SHTN1: variants seen among roughly 807,000 people sequenced by gnomAD.
The protein encoded by SHTN1 is shootin 1.
A neutral mutation model predicts 83.1 loss-of-function variants in SHTN1; 42 were observed. That is an observed-to-expected ratio of 0.51 (90% CI 0.39 to 0.65). SHTN1 has a LOEUF of 0.65. Ranked by LOEUF, SHTN1 falls within the 30% of genes least tolerant of loss-of-function variation. SHTN1 has a pLI of 0.00. For synonymous variants in SHTN1, 224 were observed against 247.7 expected (o/e 0.90, Z 0.90); for missense variants, 622 against 737.8 (o/e 0.84, Z 1.82).
intron 1 of SHTN1, among the ~76,000 whole-genome samples, chr10:117,077,464 T>A (rs1180324645): frequency 1.3e-5 from 2 of 152,046 alleles, no homozygotes; most frequent in East Asian, 3.9e-4. Flanking sequence ...CTTTTTTTTT[T>A]ATTAGGAGGG....
At chr10:116,939,527 C>T (rs1354473583) in intron 9 of SHTN1, among the ~76,000 whole-genome samples, 5 of 152,188 alleles carry the variant, frequency 3.3e-5, no homozygotes, top group African/African-American at 4.8e-5. Flanking sequence ...TGAGATGAGC[C>T]GGGTACCCAA....
intron 1 of SHTN1, among the ~76,000 whole-genome samples, chr10:117,074,512 A>G (rs1853126494): frequency 6.6e-6 from 1 of 152,200 alleles, no homozygotes; most frequent in African/African-American, 2.4e-5. Flanking sequence ...CTTTCATCAG[A>G]TTCTCAAGTA....
chr10:116,932,320 G>A (rs535729677), intron 9 of SHTN1, among the ~76,000 whole-genome samples: 56 of 152,256 alleles, frequency 3.7e-4, no homozygotes, highest in South Asian at 1.7e-3. Context: ...GCTCCACCTC[G>A]TCAGATCAGC....
At chr10:117,113,401 A>G (rs1477852205) in intron 1 of SHTN1, among the ~76,000 whole-genome samples, 2 of 152,208 alleles carry the variant, frequency 1.3e-5, no homozygotes, top group East Asian at 3.8e-4. Flanking sequence ...ATTTGGGCTT[A>G]GATCAGGATT....
At chr10:117,022,503 C>T (rs777076615) in intron 2 of SHTN1, among the ~76,000 whole-genome samples, 12 of 152,070 alleles carry the variant, frequency 7.9e-5, no homozygotes, top group African/African-American at 2.7e-4. Flanking sequence ...AAGATAACCA[C>T]GTTTGAGGAT....
chr10:116,979,229 A>AG (rs770221699), intron 2 of SHTN1, 27 bp downstream of exon 2: 119 of 1,600,668 alleles, frequency 7.4e-5, no homozygotes, highest in African/African-American at 3.8e-4. Context: ...CATGTAAGAA[A>AG]GGGGAAAAAA....
At position 117,106,216 on chromosome 10, in the gene SHTN1, G is replaced by A. The variant is rs1263476903; in HGVS notation, c.-189+20091C>T. ...TCACGCCTGTAATCCCAGCACTTTGGGAGGCTGAGGTGGGCGAATCAGGAG... is the reference window on the plus strand; with the variant it reads ...TCACGCCTGTAATCCCAGCACTTTGAGAGGCTGAGGTGGGCGAATCAGGAG... On this transcript the variant is annotated intron_variant, in intron 1 of 17. Transcript: ENST00000392901. 2.6e-5 allele frequency among the ~76,000 whole-genome samples: 4 copies of A among 151,926 alleles called. No individual in the cohort carries two copies. The East Asian group carries it at 7.8e-4, about 30-fold the overall frequency.
At chr10:117,015,210 G>T (rs2133559233) in intron 2 of SHTN1, among the ~76,000 whole-genome samples, 1 of 152,254 alleles carries the variant, frequency 6.6e-6, no homozygotes, top group African/African-American at 2.4e-5. Flanking sequence ...GTCACTGTTG[G>T]ACTTCTTTGC....
intron 1 of SHTN1, among the ~76,000 whole-genome samples, chr10:117,084,632 C>G (rs1439897919): frequency 6.6e-6 from 1 of 152,314 alleles, no homozygotes; most frequent in Admixed American, 6.5e-5. Flanking sequence ...GTCCCTCCCC[C>G]AGCCTCGCTG....
intron 2 of SHTN1, among the ~76,000 whole-genome samples, chr10:117,019,077 GATC>G (rs367722279): frequency 4.6e-5 from 7 of 152,034 alleles, no homozygotes; most frequent in African/African-American, 1.4e-4. Flanking sequence ...ACAGGATACA[GATC>G]ATTATAAAAA....
intron 2 of SHTN1, among the ~76,000 whole-genome samples, chr10:117,047,830 T>C (rs943034071): frequency 1.3e-5 from 2 of 149,798 alleles, no homozygotes; most frequent in Non-Finnish European, 3.0e-5. Flanking sequence ...TTGGCCAGAC[T>C]GGTCTTGAAC....
chr10:117,030,777 T>C (rs1318846206), intron 2 of SHTN1, among the ~76,000 whole-genome samples: 2 of 151,886 alleles, frequency 1.3e-5, no homozygotes, highest in African/African-American at 4.8e-5. Context: ...ATTAGTGAAC[T>C]TGAAGACAGG....
At position 116,949,992 on chromosome 10, in the gene SHTN1, T is replaced by C. The variant is rs142055493; in HGVS notation, c.535-995A>G. On this transcript the variant is annotated intron_variant, in intron 6 of 16. Transcript: ENST00000355371. The stretch of plus-strand genomic sequence containing the variant: ...ACACTCAAAATACTATGTATTGTAG[T>C]GAACATGTAAATATATGCACTGACA... Among the ~76,000 whole-genome samples, 1,343 of 152,314 alleles carry C rather than the reference T, an allele frequency of 8.8e-3. 11 individuals are homozygous for C. The highest frequency in any genetic ancestry group is 0.015 in the Non-Finnish European group (1,028 of 68,030).
At chr10:117,006,717 C>T (rs1852019472), upstream of SHTN1, among the ~76,000 whole-genome samples, 1 of 152,066 alleles carries the variant, frequency 6.6e-6, no homozygotes, top group Non-Finnish European at 1.5e-5. Context: ...TGGTTTTTCT[C>T]ACTACCTCTA....
At chr10:117,108,310 A>C (rs1250121727) in intron 1 of SHTN1, among the ~76,000 whole-genome samples, 1 of 152,100 alleles carries the variant, frequency 6.6e-6, no homozygotes, top group Non-Finnish European at 1.5e-5. Flanking sequence ...ACCAACCCAA[A>C]TGTCCATCAA....
intron 2 of SHTN1, among the ~76,000 whole-genome samples, chr10:117,025,213 TC>T (rs1444087489): frequency 6.6e-6 from 1 of 152,066 alleles, no homozygotes; most frequent in Non-Finnish European, 1.5e-5. Flanking sequence ...CCCTCACCCA[TC>T]CCCTGGCAGC....
At chr10:116,926,129 A>G (rs1848735894) in intron 11 of SHTN1, among the ~76,000 whole-genome samples, 1 of 152,176 alleles carries the variant, frequency 6.6e-6, no homozygotes, top group Non-Finnish European at 1.5e-5. Flanking sequence ...TTGAGACACA[A>G]ATAGTCCTGA....
intron 1 of SHTN1, among the ~76,000 whole-genome samples, chr10:117,076,606 A>T (rs1233151268): frequency 1.3e-5 from 2 of 152,262 alleles, no homozygotes; most frequent in Non-Finnish European, 2.9e-5. Flanking sequence ...ATGCATATTT[A>T]GCTGCACTGG....
chr10:116,974,615 C>T (rs1203877848), intron 2 of SHTN1, among the ~76,000 whole-genome samples: 1 of 152,150 alleles, frequency 6.6e-6, no homozygotes, highest in Non-Finnish European at 1.5e-5. Flanking sequence ...CAGTAGCTCA[C>T]CCAAACGACT....
Sources: gnomAD v4.1 joint callset for allele counts (sites outside exome capture counted in the v4.1 genomes callset) on GRCh38, gnomAD v4.1.1 for gene constraint, MANE v1.5 for transcripts, NCBI Gene and HGNC (gene_info 2026-07-23, HGNC 2026-07-21) for gene names.